The following TEX2 variants were observed in gnomAD, a reference collection of about 807,000 sequenced individuals.
TEX2 encodes testis-expressed protein 2.
TEX2 carries 53 observed loss-of-function variants against 106.9 expected under a neutral mutation model. The ratio of observed to expected loss-of-function variants is 0.50; its 90% confidence interval spans 0.40 to 0.62. The LOEUF (loss-of-function observed/expected upper bound fraction) is 0.62. Among genes scored for constraint, TEX2 ranks in the 20% least tolerant of loss-of-function variants. The probability of loss-of-function intolerance (pLI) is 0.00; values close to 1 mark genes in which losing one functional copy is unlikely to be tolerated. For synonymous variants in TEX2, 523 were observed against 534.8 expected (o/e 0.98, Z 0.30); for missense variants, 1,207 against 1,379.0 (o/e 0.88, Z 1.98).
rs568175692 is a variant in TEX2 at position 64,182,364 on chromosome 17, A to G, written c.2425-4893T>C. On this transcript the variant is annotated intron_variant, in intron 5 of 11. Coordinates refer to ENST00000584379, the MANE Select transcript of TEX2 (RefSeq NM_001288732.2). Reference sequence around the variant, plus strand: ...ACTGTTTAATGAGTATAGAGTTTCAATTATACAAGTTGAAGAGAATGGTGG... The same window carrying G: ...ACTGTTTAATGAGTATAGAGTTTCAGTTATACAAGTTGAAGAGAATGGTGG... Among the ~76,000 whole-genome samples, 170 of 152,312 alleles carry G rather than the reference A, an allele frequency of 1.1e-3. 1 individual carries two copies. The highest frequency in any genetic ancestry group is 3.9e-3 in the African/African-American group (160 of 41,558).
intron 5 of TEX2, among the ~76,000 whole-genome samples, chr17:64,178,188 T>C (rs2031691487): frequency 6.6e-6 from 1 of 152,222 alleles, no homozygotes; most frequent in Non-Finnish European, 1.5e-5. Context: ...ATCTGAAGCA[T>C]CTGCTGTGGC....
Position 64,149,025 on chromosome 17 carries a change from G to A in TEX2, c.3328C>T (p.Arg1110Cys). The change falls in exon 12 of 12, where the codon CGC becomes TGC. Residue 1110 changes from arginine to cysteine, a missense_variant. Around this residue, in one of 3 missense-constraint regions of TEX2, gnomAD observed 77 missense variants for 73.2 expected, o/e 1.05. Coordinates refer to ENST00000584379, the MANE Select transcript of TEX2 (RefSeq NM_001288732.2). ...ITIMHSAMDP[R>C]STSCLLKDPP... ...TCTTTCAGGAGGCAGGAAGTAGAGCGAGGGTCCATGGCTGAGTGCATTATA... is the reference window on the plus strand; with the variant it reads ...TCTTTCAGGAGGCAGGAAGTAGAGCAAGGGTCCATGGCTGAGTGCATTATA... The A allele has an allele frequency of 3.1e-6, 5 of 1,614,220 alleles. No homozygotes were observed. The highest frequency in any genetic ancestry group is 4.2e-6 in the Non-Finnish European group (5 of 1,180,036).
rs910112871 is a variant in TEX2 at position 64,175,246 on chromosome 17, G to A, written c.2571+2079C>T. On this transcript the variant is annotated intron_variant, in intron 6 of 11. Coordinates refer to ENST00000584379, the MANE Select transcript of TEX2 (RefSeq NM_001288732.2). Reference sequence around the variant, plus strand: ...CTGTAACCAGGGGCTCCTCTGGTCTGCAGGCACTTCACAGTGCAGCAGATC... The same window carrying A: ...CTGTAACCAGGGGCTCCTCTGGTCTACAGGCACTTCACAGTGCAGCAGATC... Among the ~76,000 whole-genome samples, 11 of 152,338 alleles carry A rather than the reference G, an allele frequency of 7.2e-5. 1 individual carries two copies. Among genetic ancestry groups the A allele is most frequent in the African/African-American group, 2.2e-4 (9 of 41,572 alleles).
intron 2 of TEX2, among the ~76,000 whole-genome samples, chr17:64,210,048 C>T (rs2032948152): frequency 6.6e-6 from 1 of 152,124 alleles, no homozygotes; most frequent in Non-Finnish European, 1.5e-5. Flanking sequence ...CAAGTCAGTG[C>T]TCAAACCAGT....
chr17:64,262,816 C>T (rs1337641773), intron 1 of TEX2, among the ~76,000 whole-genome samples: 2 of 152,132 alleles, frequency 1.3e-5, no homozygotes, highest in Non-Finnish European at 1.5e-5. Context: ...ACCCGGGGCC[C>T]CATTCATAAA....
rs2030191054 is a variant in TEX2, at chr17:64,148,795, G to C, written c.*174C>G. ...CAGGCAATCCAGACAGTTGTCACTA[G>C]ATGCAGGGAATGACACCTCACAGTG... On this transcript the variant is annotated 3_prime_UTR_variant, in exon 12 of 12. Coordinates refer to ENST00000584379, the MANE Select transcript of TEX2 (RefSeq NM_001288732.2). 1.4e-6 allele frequency: 1 copy of C among 712,352 alleles called. No individual in the cohort carries two copies. Among genetic ancestry groups the C allele is most frequent in the Non-Finnish European group, 2.2e-6 (1 of 448,994 alleles). The allele number at this position is 712,352 out of a possible 1,614,324, so 44.1% of individuals were successfully genotyped here.
intron 5 of TEX2, among the ~76,000 whole-genome samples, chr17:64,182,741 AC>A (rs2031926776): frequency 6.6e-6 from 1 of 151,676 alleles, no homozygotes; most frequent in South Asian, 2.1e-4. Flanking sequence ...TTTGTGACTG[AC>A]TCCCCTCACT....
At position 64,213,931 on chromosome 17, in the gene TEX2, T is replaced by C. The variant is rs782044219; in HGVS notation, c.287A>G (p.Asp96Gly). ...AGPAASPVLA[D>G]GLSVSQAPAI... ...AGGGGCCTGGGACACGGACAGTCCA[T>C]CTGCCAGGACAGGCGAGGCAGCAGG... The change falls in exon 2 of 12, where the codon GAT becomes GGT. Residue 96 changes from aspartate to glycine, a missense_variant. By Grantham distance (94) the Asp-to-Gly change is moderately conservative (BLOSUM62 -1). Coordinates refer to ENST00000584379, the MANE Select transcript of TEX2 (RefSeq NM_001288732.2). The surrounding 1 kb of genome is among the most constrained non-coding windows in gnomAD (Gnocchi z 4.4). 6.2e-7 allele frequency: 1 copy of C among 1,614,142 alleles called. No homozygotes were observed. The highest frequency in any genetic ancestry group is 8.5e-7 in the Non-Finnish European group (1 of 1,180,020).
At chr17:64,235,406 T>C (rs1390049091) in intron 1 of TEX2, among the ~76,000 whole-genome samples, 1 of 152,178 alleles carries the variant, frequency 6.6e-6, no homozygotes, top group Non-Finnish European at 1.5e-5. Context: ...AAGTGTTCCA[T>C]CCACTCAGTA....
At chr17:64,212,207 A>C (rs1327836350) in intron 2 of TEX2, among the ~76,000 whole-genome samples, 1 of 152,190 alleles carries the variant, frequency 6.6e-6, no homozygotes, top group African/African-American at 2.4e-5. Flanking sequence ...CAATTCCGGG[A>C]GTATTTAACC....
chr17:64,161,047 G>A (rs532340491), intron 7 of TEX2, 114 bp from the exon 8 acceptor site: 59 of 1,130,706 alleles, frequency 5.2e-5, no homozygotes, highest in African/African-American at 1.3e-4. Context: ...TCCATGTATC[G>A]TCTACTACTC....
intron 1 of TEX2, among the ~76,000 whole-genome samples, chr17:64,229,334 T>C (rs1010445049): frequency 6.6e-6 from 1 of 152,246 alleles, no homozygotes. Flanking sequence ...AGTCACTTCA[T>C]ACTTTTCCCT....
chr17:64,167,797 C>T (rs970166454), intron 7 of TEX2, among the ~76,000 whole-genome samples: 11 of 151,558 alleles, frequency 7.3e-5, no homozygotes, highest in African/African-American at 2.2e-4. Context: ...CCAGGCTGGA[C>T]GACAAGAGTG....
In TEX2 at chr17:64,212,646, A is replaced by G. The variant is rs782168742; in HGVS notation, c.1572T>C (p.Tyr524=). ...WFFTPPSAHK[Y]HKLHKNLRHW... is the part of the protein sequence containing the mutation. ...GTCGCAGATTTTTGTGTAACTTGTGATATTTATGAGCACTTGGTGGTGTAA... is the reference window on the plus strand; with the variant it reads ...GTCGCAGATTTTTGTGTAACTTGTGGTATTTATGAGCACTTGGTGGTGTAA... The change falls in exon 2 of 12, where the codon TAT becomes TAC. Residue 524 remains tyrosine, a synonymous_variant. Transcript: ENST00000584379. 4.3e-6 allele frequency: 7 copies of G among 1,614,168 alleles called. No homozygotes were observed. The South Asian group carries it at 6.6e-5, about 15-fold the overall frequency.
rs746815499 is a variant in TEX2, at chr17:64,148,776, A to G, written c.*193T>C. 4.6e-5 allele frequency: 29 copies of G among 630,636 alleles called. No homozygotes were observed. Among genetic ancestry groups the G allele is most frequent in the Non-Finnish European group, 7.0e-5 (27 of 383,302 alleles). The allele number at this position is 630,636 out of a possible 1,614,324, so 39.1% of individuals were successfully genotyped here. A position where few individuals can be genotyped will look rare whatever the true frequency, so the allele number is the denominator to read the frequency against. Reference sequence around the variant, plus strand: ...CCAAATCAAAGCTTTGCAGCAGGCAATCCAGACAGTTGTCACTAGATGCAG... The same window carrying G: ...CCAAATCAAAGCTTTGCAGCAGGCAGTCCAGACAGTTGTCACTAGATGCAG... On this transcript the variant is annotated 3_prime_UTR_variant, in exon 12 of 12. Transcript: ENST00000584379.
In TEX2 at chr17:64,185,074, C is replaced by G. The variant is rs913336762; in HGVS notation, c.2424+3094G>C. Among the ~76,000 whole-genome samples, 1 of 152,162 alleles carries G rather than the reference C, an allele frequency of 6.6e-6. No individual in the cohort carries two copies. Among genetic ancestry groups the G allele is most frequent in the Non-Finnish European group, 1.5e-5 (1 of 68,030 alleles). On this transcript the variant is annotated intron_variant, in intron 5 of 11. Transcript: ENST00000584379. The surrounding 1 kb of genome is among the most constrained non-coding windows in gnomAD (Gnocchi z 4.0). ...TATTTGACTCCTATTTGCTCTGTAA[C>G]ATTCTCATCTTCTGATAACACCAAA... is the stretch of plus-strand genomic sequence containing the variant.
At chr17:64,240,103 C>T (rs2033857847) in intron 1 of TEX2, among the ~76,000 whole-genome samples, 1 of 151,826 alleles carries the variant, frequency 6.6e-6, no homozygotes, top group African/African-American at 2.4e-5. Flanking sequence ...AAAATACAAA[C>T]TAGTAAGTAC....
chr17:64,152,650 A>G (rs1390307002), intron 10 of TEX2, among the ~76,000 whole-genome samples: 1 of 152,242 alleles, frequency 6.6e-6, no homozygotes, highest in Non-Finnish European at 1.5e-5. Flanking sequence ...CTGGCAGAAC[A>G]GTTGGCTTTA....
chr17:64,255,087 A>T (rs1159565177), intron 1 of TEX2, among the ~76,000 whole-genome samples: 1 of 148,294 alleles, frequency 6.7e-6, no homozygotes, highest in Non-Finnish European at 1.5e-5. Context: ...GCTGGTCTCA[A>T]ACTCTTGGCC....
Sources: gnomAD v4.1 joint callset for allele counts (sites outside exome capture counted in the v4.1 genomes callset) on GRCh38, gnomAD v4.1.1 for gene constraint, gnomAD v4.1.1 regional missense constraint, Gnocchi (gnomAD v3.1) non-coding constraint, MANE v1.5 for transcripts, NCBI Gene and HGNC (gene_info 2026-07-23, HGNC 2026-07-21) for gene names.